The following CHRNA5 variants were observed in gnomAD, a reference collection of about 807,000 sequenced individuals.
The protein encoded by CHRNA5 is neuronal acetylcholine receptor subunit alpha-5.
In CHRNA5, 28 loss-of-function variants were observed where a neutral mutation model predicts 41.2. The observed-to-expected ratio is 0.68, with a 90% CI of 0.50 to 0.93. The LOEUF is 0.93. Ranked by LOEUF, CHRNA5 falls within the 40% of genes least tolerant of loss-of-function variation. The probability of loss-of-function intolerance (pLI) is 0.00; values close to 1 mark genes in which losing one functional copy is unlikely to be tolerated. For missense variants in CHRNA5, 481 were observed against 581.9 expected, an observed-to-expected ratio of 0.83 and a Z score of 1.78; for synonymous variants, 188 against 205.8, an observed-to-expected ratio of 0.91 and a Z score of 0.74.
intron 1 of CHRNA5, among the ~76,000 whole-genome samples, chr15:78,566,862 G>C (rs574263680): frequency 6.6e-6 from 1 of 152,332 alleles, no homozygotes; most frequent in African/African-American, 2.4e-5. Flanking sequence ...TAAACAGAAA[G>C]AAAGGAATGT....
In CHRNA5 at chr15:78,588,514, T is replaced by G; in HGVS notation, c.413+91T>G. The G allele has an allele frequency of 1.7e-6, 1 of 589,656 alleles. No homozygotes were observed. Among genetic ancestry groups the G allele is most frequent in the East Asian group, 3.1e-5 (1 of 31,880 alleles). 36.5% of individuals were successfully genotyped at this position (589,656 alleles called of 1,614,324 possible). ...TAATAATTTTTCTCCCTTTTGAAAT[T>G]GTTTAGGTATAAAAATCAAATGACA... On this transcript the variant is annotated intron_variant, in intron 4 of 5. Transcript: ENST00000299565. This position sits in a 1 kb window ranked among gnomAD's most constrained non-coding sequence, Gnocchi z 4.1.
rs2053041060 is a variant in CHRNA5 at position 78,593,247 on chromosome 15, TAAGTG to T, written c.1405_*2del. The T allele has an allele frequency of 1.2e-6, 2 of 1,609,536 alleles. No homozygotes were observed. The highest frequency in any genetic ancestry group is 1.3e-5 in the African/African-American group (1 of 74,796). On this transcript the variant is annotated frameshift_variant and stop_lost, in exon 6 of 6. Coordinates refer to ENST00000299565, the Ensembl canonical transcript of CHRNA5. LOFTEE classifies it high-confidence loss of function. Reference sequence around the variant, plus strand: ...TACCAGTTCATATTGGAAATGCAAATAAGTGAAGCCTCCCAAGGGACTGAAGTATA... The same window carrying T: ...TACCAGTTCATATTGGAAATGCAAATAAGCCTCCCAAGGGACTGAAGTATA...
At chr15:78,591,336 A>C (rs1567063717) in intron 5 of CHRNA5, 1 of 143,228 alleles carries the variant, frequency 7.0e-6, no homozygotes, top group Non-Finnish European at 1.5e-5. Context: ...ACGCCATTGC[A>C]CTCCAGCCTG....
intron 1 of CHRNA5, among the ~76,000 whole-genome samples, chr15:78,572,456 A>G (rs888666868): frequency 5.3e-5 from 8 of 152,082 alleles, no homozygotes; most frequent in African/African-American, 1.9e-4. Flanking sequence ...CTACTGGTAT[A>G]TAGTTTATAT....
At chr15:78,571,706 G>T (rs2052807182) in intron 1 of CHRNA5, among the ~76,000 whole-genome samples, 1 of 151,370 alleles carries the variant, frequency 6.6e-6, no homozygotes, top group Non-Finnish European at 1.5e-5. Context: ...GTCAGGGTAA[G>T]ATATTAAGTT....
At chr15:78,573,736 A>G (rs1055701950) in intron 1 of CHRNA5, among the ~76,000 whole-genome samples, 3 of 152,066 alleles carry the variant, frequency 2.0e-5, no homozygotes, top group Non-Finnish European at 4.4e-5. Context: ...TTGATAAGAA[A>G]ATCATGATTC....
At chr15:78,570,121 C>T (rs1660197964) in intron 1 of CHRNA5, among the ~76,000 whole-genome samples, 1 of 152,086 alleles carries the variant, frequency 6.6e-6, no homozygotes, top group Non-Finnish European at 1.5e-5. Flanking sequence ...CGCGCCTGGC[C>T]TGGGTATAGT....
intron 1 of CHRNA5, among the ~76,000 whole-genome samples, chr15:78,575,316 A>G (rs980203223): frequency 2.0e-5 from 3 of 152,188 alleles, no homozygotes; most frequent in Middle Eastern, 3.2e-3. Flanking sequence ...TTTGTTAGGT[A>G]TTCAACTTAG....
chr15:78,586,198 C>T (rs1296040497), intron 2 of CHRNA5, among the ~76,000 whole-genome samples: 4 of 152,112 alleles, frequency 2.6e-5, no homozygotes, highest in East Asian at 1.9e-4. Flanking sequence ...ACAGAAATAC[C>T]GTATCTCACT....
rs374789547 is a variant in CHRNA5, at chr15:78,579,500, C to T, written c.107-1311C>T. 1.4e-4 allele frequency among the ~76,000 whole-genome samples: 21 copies of T among 152,240 alleles called. No homozygotes were observed. In the East Asian group the frequency reaches 1.5e-3, roughly 11 times the overall value. ...AACTCCTTACCTCAGGTAATCTGTC[C>T]GCCTCAGCTTCCCAAAGTGCTGGGA... On this transcript the variant is annotated intron_variant, in intron 1 of 5. Coordinates refer to ENST00000299565, the Ensembl canonical transcript of CHRNA5.
chr15:78,590,437 C>T (rs558752984), exon 5 of CHRNA5: 11 of 1,614,210 alleles, frequency 6.8e-6, no homozygotes, highest in Middle Eastern at 1.6e-4. Context: ...AATGCCATGG[C>T]GCCTTTGGTC....
At chr15:78,581,089 C>A in intron 2 of CHRNA5, 127 bp downstream of exon 2, 1 of 850,268 alleles carries the variant, frequency 1.2e-6, no homozygotes, top group Non-Finnish European at 1.8e-6. Context: ...CCTGAAGGAA[C>A]TCACCAGGGA....
At chr15:78,583,907 CTTTGTT>C (rs1425854969) in intron 2 of CHRNA5, among the ~76,000 whole-genome samples, 1 of 152,012 alleles carries the variant, frequency 6.6e-6, no homozygotes, top group African/African-American at 2.4e-5. Flanking sequence ...GATGAGTTTT[CTTTGTT>C]TTTGTTTTTG....
At chr15:78,582,403 G>A (rs1378828257) in intron 2 of CHRNA5, among the ~76,000 whole-genome samples, 1 of 151,602 alleles carries the variant, frequency 6.6e-6, no homozygotes, top group Admixed American at 6.6e-5. Flanking sequence ...AGAATCGTTT[G>A]AACCCTGGGA....
At chr15:78,590,905 A>T in intron 5 of CHRNA5, 1 of 410,466 alleles carries the variant, frequency 2.4e-6, no homozygotes, top group Non-Finnish European at 4.4e-6. Context: ...TTAGTGTTAT[A>T]TTCTAAGGAA....
rs200155640 is a variant in CHRNA5, at chr15:78,580,643, C to CTT, written c.107-158_107-157dup. On this transcript the variant is annotated intron_variant, in intron 1 of 5. Coordinates refer to ENST00000299565, the Ensembl canonical transcript of CHRNA5. ...ATTAATAATCTGAACTTTTTTTTTC[C>CTT]TTTTTTTTTTTGAGACAGAGTCTCT... Among the ~76,000 whole-genome samples, 111 of 145,354 alleles carry CTT rather than the reference C, an allele frequency of 7.6e-4. 1 individual carries two copies. Among genetic ancestry groups the CTT allele is most frequent in the African/African-American group, 2.7e-3 (106 of 39,900 alleles).
chr15:78,578,897 C>T (rs558339895), intron 1 of CHRNA5, among the ~76,000 whole-genome samples: 1 of 152,130 alleles, frequency 6.6e-6, no homozygotes, highest in African/African-American at 2.4e-5. Context: ...TTCACATTTC[C>T]TTAAGTGATC....
Position 78,590,278 on chromosome 15 carries a change from TTC to T in CHRNA5, c.889_890del (p.Leu297GlyfsTer3). ...GTACTTGTGTCTTTGACTGTCTTCC[TTC>T]TGGTTATTGAAGAGATCATACCATC... On this transcript the variant is annotated frameshift_variant, in exon 5 of 6. Coordinates refer to ENST00000299565, the Ensembl canonical transcript of CHRNA5. LOFTEE classifies it high-confidence loss of function. The T allele has an allele frequency of 5.0e-6, 8 of 1,614,034 alleles. No individual in the cohort carries two copies. Among genetic ancestry groups the T allele is most frequent in the Non-Finnish European group, 6.8e-6 (8 of 1,180,028 alleles).
At chr15:78,591,827 T>C (rs934509796) in intron 5 of CHRNA5, among the ~76,000 whole-genome samples, 6 of 152,204 alleles carry the variant, frequency 3.9e-5, no homozygotes, top group Non-Finnish European at 7.3e-5. Flanking sequence ...TGTGGGTTTG[T>C]GAAGTATCTA....
Sources: allele counts gnomAD v4.1 joint callset (sites outside exome capture counted in the v4.1 genomes callset), GRCh38; gene constraint gnomAD v4.1.1; non-coding constraint Gnocchi (gnomAD v3.1); transcripts MANE v1.5; gene names NCBI Gene and HGNC (gene_info 2026-07-23, HGNC 2026-07-21).